BCCIP: variants seen among roughly 807,000 people sequenced by gnomAD.
BCCIP encodes BRCA2 and CDKN1A-interacting protein.
BCCIP carries 23 observed loss-of-function variants against 32.8 expected under a neutral mutation model. The ratio of observed to expected loss-of-function variants is 0.70; its 90% CI spans 0.51 to 0.99. BCCIP has a LOEUF of 0.99. BCCIP is among the 50% of genes least tolerant of loss of function. The pLI, the probability that BCCIP is intolerant of heterozygous loss-of-function variation, is 0.00. For missense variants in BCCIP, 378 were observed against 379.8 expected (o/e 1.00, Z 0.04); for synonymous variants, 144 against 137.6 (o/e 1.05, Z -0.33).
At position 125,823,582 on chromosome 10, in the gene BCCIP, G is replaced by A. The variant is rs776546665; in HGVS notation, c.25G>A (p.Ala9Thr). ...CATGGCGTCCAGGTCTAAGCGGCGT[G>A]CCGTGGAAAGTGGGGTTCCGCAGCC... is the stretch of plus-strand genomic sequence containing the variant. MASRSKRR[A>T]VESGVPQPPD... The change falls in exon 1 of 7, where the codon GCC becomes ACC. Residue 9 changes from alanine (A) to threonine (T), a missense_variant. Transcript: ENST00000278100. The A allele has an allele frequency of 6.2e-7, 1 of 1,613,880 alleles. No homozygotes were observed. The highest frequency in any genetic ancestry group is 8.5e-7 in the Non-Finnish European group (1 of 1,179,946).
At chr10:125,840,890 A>T, downstream of BCCIP, 2 of 1,608,528 alleles carry the variant, frequency 1.2e-6, no homozygotes, top group Non-Finnish European at 1.7e-6. Context: ...AAGCCTTGTA[A>T]ATGCTGATGA....
At chr10:125,846,361 A>G (rs12356233), downstream of BCCIP, among the ~76,000 whole-genome samples, 58,433 of 152,058 alleles carry the variant, frequency 0.38, 11,666 homozygotes, top group Non-Finnish European at 0.45. Context: ...AAAAAAATGC[A>G]TGGGTTTTAA....
chr10:125,843,758 G>C (rs146043002), downstream of BCCIP, among the ~76,000 whole-genome samples: 1,296 of 152,340 alleles, frequency 8.5e-3, 15 homozygotes, highest in Non-Finnish European at 0.011. Flanking sequence ...CTCCAGTCCT[G>C]CTGGAGGACA....
chr10:125,825,546 A>G (rs963677406), intron 1 of BCCIP: 2 of 152,224 alleles, frequency 1.3e-5, no homozygotes, highest in Non-Finnish European at 2.9e-5. Context: ...TAAAGAGTTC[A>G]AATTGGAGCT....
intron 5 of BCCIP, among the ~76,000 whole-genome samples, chr10:125,832,067 G>T (rs558830585): frequency 1.3e-5 from 2 of 152,256 alleles, no homozygotes; most frequent in East Asian, 3.9e-4. Flanking sequence ...TAATCCAGAA[G>T]TTTTAAGTTT....
exon 7 of BCCIP, chr10:125,841,810 C>G: frequency 6.2e-7 from 1 of 1,613,716 alleles, no homozygotes; most frequent in South Asian, 1.1e-5. Context: ...CTAAGATAGA[C>G]TTCGAGAGTT....
downstream of BCCIP, among the ~76,000 whole-genome samples, chr10:125,846,450 AG>A (rs1944021795): frequency 6.6e-6 from 1 of 152,220 alleles, no homozygotes; most frequent in African/African-American, 2.4e-5. Flanking sequence ...TTTCCTCATA[AG>A]GGTGAGGCTC....
In BCCIP at chr10:125,833,868, CA is replaced by C. The variant is rs779540678; in HGVS notation, c.698del (p.Asn233IlefsTer14). On this transcript the variant is annotated frameshift_variant, in exon 6 of 7. Coordinates refer to ENST00000278100, the MANE Select transcript of BCCIP (RefSeq NM_078468.3). LOFTEE classifies it high-confidence loss of function. ...AGACATTTGTGGAAGCAGGAAAAAA[CA>C]ATTCCAAAAAGAAACCTAGCAACAA... Reference protein sequence around the residue: ...SKTFVEAGKNNSKKKPSNKKK... With the variant: ...SKTFVEAGKNXSKKKPSNKKK... The C allele has an allele frequency of 6.2e-7, 1 of 1,614,182 alleles. No individual in the cohort carries two copies. The highest frequency in any genetic ancestry group is 1.7e-5 in the Admixed American group (1 of 60,028).
chr10:125,853,444 T>C (rs1227322376), exon 8 of BCCIP: 1 of 299,948 alleles, frequency 3.3e-6, no homozygotes, highest in African/African-American at 2.2e-5. Context: ...TAATAAAGAA[T>C]ATTTTGTAAT....
chr10:125,852,849 G>C (rs1589709830), intron 7 of BCCIP, among the ~76,000 whole-genome samples: 1 of 152,212 alleles, frequency 6.6e-6, no homozygotes, highest in South Asian at 2.1e-4. Flanking sequence ...AAGGTTGTCT[G>C]CTTTCATTGT....
chr10:125,851,355 A>T (rs1944087148), intron 7 of BCCIP, among the ~76,000 whole-genome samples: 1 of 152,202 alleles, frequency 6.6e-6, no homozygotes, highest in Non-Finnish European at 1.5e-5. Flanking sequence ...TATCAGCTTT[A>T]AGCCTCATGG....
chr10:125,834,283 G>A (rs1260807512), intron 6 of BCCIP, among the ~76,000 whole-genome samples: 3 of 152,162 alleles, frequency 2.0e-5, no homozygotes, highest in African/African-American at 7.2e-5. Context: ...CATTAGCCTG[G>A]GGTTTACAGA....
chr10:125,841,839 C>CTA, exon 7 of BCCIP: 1 of 1,613,816 alleles, frequency 6.2e-7, no homozygotes. Context: ...AGAGGAAACT[C>CTA]TGACATGATG....
Position 125,831,495 on chromosome 10 carries a change from G to A in BCCIP, c.487G>A (p.Glu163Lys). The A allele has an allele frequency of 6.2e-7, 1 of 1,614,184 alleles. No individual in the cohort carries two copies. The highest frequency in any genetic ancestry group is 8.5e-7 in the Non-Finnish European group (1 of 1,180,026). Residue 163 changes from glutamate (E) to lysine (K), a missense_variant, in exon 5 of 7, where the codon GAA (glutamate) becomes AAA (lysine). Coordinates refer to ENST00000278100, the MANE Select transcript of BCCIP (RefSeq NM_078468.3). ...CEKNCEKSMV[E>K]QLDKFLNDTT... The stretch of plus-strand genomic sequence containing the variant: ...GAAGAACTGTGAAAAGAGCATGGTT[G>A]AACAGCTGGACAAGTTTTTAAATGA...
chr10:125,851,009 T>C (rs1015622504), intron 7 of BCCIP, among the ~76,000 whole-genome samples: 2 of 152,204 alleles, frequency 1.3e-5, no homozygotes, highest in African/African-American at 4.8e-5. Context: ...TGGAGGTCAA[T>C]TGTCAGGCAG....
At chr10:125,834,474 A>G (rs191947170) in intron 6 of BCCIP, among the ~76,000 whole-genome samples, 1 of 152,146 alleles carries the variant, frequency 6.6e-6, no homozygotes, top group Admixed American at 6.5e-5. Flanking sequence ...ACAGCCATAT[A>G]CCAGAGAATA....
downstream of BCCIP, among the ~76,000 whole-genome samples, chr10:125,844,015 T>C (rs1052078837): frequency 1.3e-5 from 2 of 152,212 alleles, no homozygotes; most frequent in African/African-American, 4.8e-5. Context: ...TCAGAGATAT[T>C]CCTGTCCTGC....
chr10:125,838,487 A>G, downstream of BCCIP: 1 of 1,164,368 alleles, frequency 8.6e-7, no homozygotes, highest in Non-Finnish European at 1.2e-6. Flanking sequence ...TTTATACGGG[A>G]TAGTTAAAAC....
chr10:125,846,349 GA>G (rs560528993), downstream of BCCIP, among the ~76,000 whole-genome samples: 25 of 151,964 alleles, frequency 1.6e-4, 1 homozygote, highest in South Asian at 4.4e-3. Context: ...GAAAAATCAG[GA>G]AAAAAAATGC....
Sources: gnomAD v4.1 joint callset for allele counts (sites outside exome capture counted in the v4.1 genomes callset) on GRCh38, gnomAD v4.1.1 for gene constraint, MANE v1.5 for transcripts, NCBI Gene and HGNC (gene_info 2026-07-23, HGNC 2026-07-21) for gene names.